Variants in AKAP6 observed in about 807,000 individuals in gnomAD.
AKAP6 encodes the protein A-kinase anchor protein 6.
In AKAP6, 58 loss-of-function variants were observed where a neutral mutation model predicts 188.5. That is an observed-to-expected ratio of 0.31 (90% CI 0.25 to 0.38). The LOEUF is 0.38. AKAP6 is among the 10% of genes least tolerant of loss of function. AKAP6 has a pLI of 1.00. For missense variants in AKAP6, 2,710 were observed against 2,740.0 expected, an observed-to-expected ratio of 0.99 and a Z score of 0.24; for synonymous variants, 989 against 998.6, an observed-to-expected ratio of 0.99 and a Z score of 0.18.
rs1332549114 is a variant in AKAP6 at position 32,735,813 on chromosome 14, C to T, written c.3303C>T (p.Ile1101=). ...KGWLRDTELF[I]FNSCLRQEKE... is the part of the protein sequence containing the mutation. Reference sequence around the variant, plus strand: ...GGCTAAGAGATACAGAGCTTTTCATCTTCAATTCCTGTCTGAGACAAGAAA... The same window carrying T: ...GGCTAAGAGATACAGAGCTTTTCATTTTCAATTCCTGTCTGAGACAAGAAA... Residue 1101 remains isoleucine, a synonymous_variant, in exon 11 of 14, where the codon ATC becomes ATT. Coordinates refer to ENST00000280979, the MANE Select transcript of AKAP6 (RefSeq NM_004274.5). 2 of 1,613,284 alleles carry T rather than the reference C, an allele frequency of 1.2e-6. No homozygotes were observed. Among genetic ancestry groups the T allele is most frequent in the Admixed American group, 1.7e-5 (1 of 59,870 alleles).
chr14:32,378,785 T>A (rs1222056624), intron 1 of AKAP6, among the ~76,000 whole-genome samples: 1 of 152,212 alleles, frequency 6.6e-6, no homozygotes, highest in Non-Finnish European at 1.5e-5. Context: ...AATACTTTTA[T>A]TTTGACACTC....
intron 2 of AKAP6, among the ~76,000 whole-genome samples, chr14:32,514,602 C>A (rs1016981771): frequency 2.0e-5 from 3 of 152,178 alleles, no homozygotes; most frequent in African/African-American, 7.2e-5. Context: ...ATCCTTTATA[C>A]CTTGAAACGC....
chr14:32,750,372 A>G (rs2032077376), intron 11 of AKAP6, among the ~76,000 whole-genome samples: 2 of 152,126 alleles, frequency 1.3e-5, no homozygotes, highest in South Asian at 4.1e-4. Flanking sequence ...TTTTACTAAT[A>G]TAATTATGTC....
At chr14:32,560,561 T>C (rs17099290) in intron 4 of AKAP6, among the ~76,000 whole-genome samples, 7,143 of 152,264 alleles carry the variant, frequency 0.047, 268 homozygotes, top group East Asian at 0.17. Context: ...AAGGTGAAAA[T>C]AGTTCTTTGT....
chr14:32,348,800 C>A (rs1000916307), intron 1 of AKAP6, among the ~76,000 whole-genome samples: 1 of 152,118 alleles, frequency 6.6e-6, no homozygotes, highest in Admixed American at 6.5e-5. Context: ...CACATTGCTC[C>A]CCACCCAACA....
chr14:32,739,387 C>T (rs1268927722), intron 11 of AKAP6, among the ~76,000 whole-genome samples: 2 of 152,076 alleles, frequency 1.3e-5, no homozygotes, highest in African/African-American at 4.8e-5. Flanking sequence ...TCCAATTATA[C>T]TTTTTTAGTT....
intron 1 of AKAP6, among the ~76,000 whole-genome samples, chr14:32,333,986 C>T (rs1475273725): frequency 6.6e-6 from 1 of 152,064 alleles, no homozygotes; most frequent in African/African-American, 2.4e-5. Flanking sequence ...ACAGGTATAC[C>T]AGTTACCTTC....
chr14:32,684,907 T>C (rs1889841097), intron 8 of AKAP6, among the ~76,000 whole-genome samples: 1 of 152,156 alleles, frequency 6.6e-6, no homozygotes, highest in Non-Finnish European at 1.5e-5. Context: ...TAAGACTTAA[T>C]CTCTATGGTA....
intron 9 of AKAP6, among the ~76,000 whole-genome samples, chr14:32,702,358 G>A (rs1890649267): frequency 6.6e-6 from 1 of 151,606 alleles, no homozygotes; most frequent in African/African-American, 2.4e-5. Context: ...ATTAATTTGA[G>A]CTTTGATGAA....
chr14:32,398,914 T>G (rs1192030872), intron 1 of AKAP6, among the ~76,000 whole-genome samples: 1 of 146,996 alleles, frequency 6.8e-6, no homozygotes, highest in African/African-American at 2.5e-5. Context: ...TGCAGTGATG[T>G]GATCTCGGCT....
intron 11 of AKAP6, among the ~76,000 whole-genome samples, chr14:32,749,589 T>C (rs1426284596): frequency 6.6e-6 from 1 of 152,224 alleles, no homozygotes; most frequent in African/African-American, 2.4e-5. Context: ...TCAGCCTGGA[T>C]AGCCATACTG....
rs147542802 is a variant in AKAP6 at position 32,362,360 on chromosome 14, G to T, written c.-35+32952G>T. 1.0e-2 allele frequency among the ~76,000 whole-genome samples: 1,522 copies of T among 152,298 alleles called. 31 individuals carry two copies. Among genetic ancestry groups the T allele is most frequent in the African/African-American group, 0.034 (1,405 of 41,558 alleles). On this transcript the variant is annotated intron_variant, in intron 1 of 13. Coordinates refer to ENST00000280979, the MANE Select transcript of AKAP6 (RefSeq NM_004274.5). ...TACAGTACTGTTAAGGGACACAGGT[G>T]CATAGACAGAATTAAAATGCAGCAC...
At chr14:32,522,434 A>G (rs999559670) in intron 2 of AKAP6, among the ~76,000 whole-genome samples, 8 of 152,170 alleles carry the variant, frequency 5.3e-5, no homozygotes, top group Admixed American at 1.3e-4. Flanking sequence ...TTTACAATCT[A>G]CCCATCTGAC....
chr14:32,612,991 C>G lies in AKAP6; in HGVS notation c.2730+12199C>G, dbSNP rs551803578. ...ATCGCTATCAAAGTCTAATTTCTGA[C>G]ATATTATATTTGGTCCATTGCAATT... On this transcript the variant is annotated intron_variant, in intron 7 of 13. Transcript: ENST00000280979. Among the ~76,000 whole-genome samples, 8 of 152,286 alleles carry G rather than the reference C, an allele frequency of 5.3e-5. No individual in the cohort carries two copies. The East Asian group carries it at 1.5e-3, about 29-fold the overall frequency.
At chr14:32,764,994 G>C (rs890798401) in intron 11 of AKAP6, among the ~76,000 whole-genome samples, 2 of 149,136 alleles carry the variant, frequency 1.3e-5, no homozygotes, top group African/African-American at 5.0e-5. Flanking sequence ...GAATGCGGTG[G>C]TGCGATCTCG....
chr14:32,543,605 A>T (rs1357271051), intron 3 of AKAP6, among the ~76,000 whole-genome samples: 1 of 152,118 alleles, frequency 6.6e-6, no homozygotes, highest in Non-Finnish European at 1.5e-5. Flanking sequence ...TTTGAGGAAA[A>T]GTTTGGATTT....
intron 11 of AKAP6, among the ~76,000 whole-genome samples, chr14:32,736,922 C>T (rs2031455630): frequency 6.6e-6 from 1 of 152,134 alleles, no homozygotes; most frequent in African/African-American, 2.4e-5. Flanking sequence ...ATCTGCATTG[C>T]ACACCTGTAA....
At chr14:32,356,479 G>A (rs1423555172) in intron 1 of AKAP6, among the ~76,000 whole-genome samples, 1 of 152,100 alleles carries the variant, frequency 6.6e-6, no homozygotes, top group South Asian at 2.1e-4. Flanking sequence ...CTGCTCTGTG[G>A]TTAACTTCCA....
intron 11 of AKAP6, among the ~76,000 whole-genome samples, chr14:32,752,511 AT>A (rs2139911359): frequency 6.6e-6 from 1 of 152,216 alleles, no homozygotes; most frequent in East Asian, 1.9e-4. Flanking sequence ...TAACAGACAA[AT>A]AAGAATTGAA....
Sources: allele counts gnomAD v4.1 joint callset (sites outside exome capture counted in the v4.1 genomes callset), GRCh38; gene constraint gnomAD v4.1.1; transcripts MANE v1.5; gene names NCBI Gene and HGNC (gene_info 2026-07-23, HGNC 2026-07-21).